The following CLSTN2 variants were observed in gnomAD, a reference collection of about 807,000 sequenced individuals.
The protein encoded by CLSTN2 is calsyntenin 2.
CLSTN2 carries 48 observed loss-of-function variants against 101.2 expected under a neutral mutation model. That is an observed-to-expected ratio of 0.47 (90% confidence interval 0.38 to 0.60). The LOEUF is 0.60. Among genes scored for constraint, CLSTN2 ranks in the 20% least tolerant of loss-of-function variants. CLSTN2 has a pLI of 0.00. For missense variants in CLSTN2, 1,160 were observed against 1,238.2 expected, an observed-to-expected ratio of 0.94 and a Z score of 0.95; for synonymous variants, 481 against 463.6, an observed-to-expected ratio of 1.04 and a Z score of -0.48.
intron 2 of CLSTN2, among the ~76,000 whole-genome samples, chr3:140,203,065 A>G (rs1020922485): frequency 2.6e-5 from 4 of 152,186 alleles, no homozygotes; most frequent in African/African-American, 4.8e-5. Context: ...GAATGTCTAC[A>G]TGGAGTAGTA....
At chr3:140,126,179 A>T (rs1199871471) in intron 1 of CLSTN2, among the ~76,000 whole-genome samples, 1 of 152,170 alleles carries the variant, frequency 6.6e-6, no homozygotes, top group Non-Finnish European at 1.5e-5. Flanking sequence ...TGCTATGGGT[A>T]TGGAGAATCC....
intron 5 of CLSTN2, among the ~76,000 whole-genome samples, chr3:140,424,226 TG>T (rs2088536928): frequency 1.3e-5 from 2 of 152,328 alleles, no homozygotes; most frequent in South Asian, 4.1e-4. Flanking sequence ...ACTGCCAAAC[TG>T]TGTTTGGCAT....
intron 8 of CLSTN2, among the ~76,000 whole-genome samples, chr3:140,485,054 A>T (rs1409411078): frequency 2.0e-5 from 3 of 152,072 alleles, no homozygotes; most frequent in South Asian, 4.1e-4. Context: ...TAGAGTTTCC[A>T]GTTTTTGTGC....
intron 8 of CLSTN2, among the ~76,000 whole-genome samples, chr3:140,488,522 T>C (rs1934281688): frequency 6.6e-6 from 1 of 152,078 alleles, no homozygotes; most frequent in African/African-American, 2.4e-5. Flanking sequence ...ATGGAAATGT[T>C]TTGTTGGCCA....
At chr3:140,377,022 C>CACACACAGAGAGAGAG (rs148236356) in intron 2 of CLSTN2, among the ~76,000 whole-genome samples, 12 of 148,722 alleles carry the variant, frequency 8.1e-5, no homozygotes, top group African/African-American at 3.0e-4. Context: ...CACACATACA[C>CACACACAGAGAGAGAG]AGAGAGAGAG....
chr3:140,015,406 AC>A (rs1431169602), intron 1 of CLSTN2, among the ~76,000 whole-genome samples: 1 of 152,198 alleles, frequency 6.6e-6, no homozygotes, highest in Non-Finnish European at 1.5e-5. Flanking sequence ...TGTTGCTGTC[AC>A]CTGAGAGAGA....
chr3:140,489,965 A>T (rs1326960838), intron 8 of CLSTN2, among the ~76,000 whole-genome samples: 3 of 143,864 alleles, frequency 2.1e-5, no homozygotes, highest in Non-Finnish European at 3.0e-5. Context: ...AGCAGCCCAG[A>T]TCATGAGATG....
At chr3:140,557,902 GC>G (rs1480601912) in intron 11 of CLSTN2, among the ~76,000 whole-genome samples, 4 of 152,224 alleles carry the variant, frequency 2.6e-5, no homozygotes, top group Non-Finnish European at 4.4e-5. Context: ...CATGATGCAA[GC>G]TCTGGTCAGC....
At chr3:140,130,215 A>G (rs963692697) in intron 1 of CLSTN2, among the ~76,000 whole-genome samples, 6 of 152,128 alleles carry the variant, frequency 3.9e-5, no homozygotes, top group South Asian at 2.1e-4. Context: ...TGAATTTGGA[A>G]AGTTCCATGA....
At chr3:140,318,968 C>T (rs1199455940) in intron 2 of CLSTN2, among the ~76,000 whole-genome samples, 1 of 152,134 alleles carries the variant, frequency 6.6e-6, no homozygotes, top group Non-Finnish European at 1.5e-5. Flanking sequence ...AAAATTTCTG[C>T]ATATTACTGT....
chr3:140,014,565 G>T (rs2007157120), intron 1 of CLSTN2, among the ~76,000 whole-genome samples: 1 of 152,124 alleles, frequency 6.6e-6, no homozygotes, highest in Non-Finnish European at 1.5e-5. Flanking sequence ...AGAAGGGCAT[G>T]TTGAACAAAG....
intron 2 of CLSTN2, among the ~76,000 whole-genome samples, chr3:140,203,973 C>T (rs2010751090): frequency 6.6e-6 from 1 of 152,154 alleles, no homozygotes; most frequent in Non-Finnish European, 1.5e-5. Flanking sequence ...AGGACCACTC[C>T]TTGAGAAGAC....
chr3:140,373,800 A>G (rs1010636643), intron 2 of CLSTN2, among the ~76,000 whole-genome samples: 3 of 152,204 alleles, frequency 2.0e-5, no homozygotes, highest in Admixed American at 6.5e-5. Context: ...CTTCCCAATC[A>G]TCAGGAGGGG....
chr3:140,249,703 G>A (rs539625479), intron 2 of CLSTN2, among the ~76,000 whole-genome samples: 1 of 152,292 alleles, frequency 6.6e-6, no homozygotes, highest in East Asian at 1.9e-4. Flanking sequence ...TTTAATATAT[G>A]CAAGGCTATT....
At chr3:140,522,193 C>A (rs973977887) in intron 8 of CLSTN2, among the ~76,000 whole-genome samples, 1 of 152,244 alleles carries the variant, frequency 6.6e-6, no homozygotes, top group Non-Finnish European at 1.5e-5. Flanking sequence ...TTTCTTCATT[C>A]CCCACAGGTC....
In CLSTN2 at chr3:140,558,815, A is replaced by C; in HGVS notation, c.1999A>C (p.Thr667Pro). The change falls in exon 12 of 17, where the codon ACC (threonine) becomes CCC (proline). Residue 667 changes from threonine (T) to proline (P), a missense_variant. By Grantham distance (38) the Thr-to-Pro change is conservative. Coordinates refer to ENST00000458420, the MANE Select transcript of CLSTN2 (RefSeq NM_022131.3). ...CTTCCCTGATATCAAGATTGTGAGCACCTTCGCCAAAACCGAAGCCCCCGG... is the reference window on the plus strand; with the variant it reads ...CTTCCCTGATATCAAGATTGTGAGCCCCTTCGCCAAAACCGAAGCCCCCGG... ...TLFPDIKIVS[T>P]FAKTEAPGDV... is the part of the protein sequence containing the mutation. 6.2e-7 allele frequency: 1 copy of C among 1,613,980 alleles called. No homozygotes were observed. Among genetic ancestry groups the C allele is most frequent in the Non-Finnish European group, 8.5e-7 (1 of 1,179,978 alleles).
chr3:139,992,121 T>A (rs896208407), intron 1 of CLSTN2, among the ~76,000 whole-genome samples: 1 of 152,142 alleles, frequency 6.6e-6, no homozygotes, highest in African/African-American at 2.4e-5. Flanking sequence ...TTCAAGGGGC[T>A]CACTAGCAAC....
At position 140,572,983 on chromosome 3, in the gene CLSTN2, T is replaced by TCCTG. The variant is rs1294053824; in HGVS notation, c.*6741_*6744dup. On this transcript the variant is annotated 3_prime_UTR_variant, in exon 17 of 17. Transcript: ENST00000458420. ...CACCTGCCCTTGGGCATGAGACAAT[T>TCCTG]CCTGCCTGCCTGCCCCTTCTATCCT... The TCCTG allele has an allele frequency of 6.6e-6, 1 of 152,320 alleles. No homozygotes were observed. The highest frequency in any genetic ancestry group is 1.5e-5 in the Non-Finnish European group (1 of 68,172). The allele number at this position is 152,320 out of a possible 1,614,324, so 9.4% of individuals were successfully genotyped here. A position where few individuals can be genotyped will look rare whatever the true frequency, so the allele number is the denominator to read the frequency against.
chr3:140,334,650 C>T (rs2087422996), intron 2 of CLSTN2, among the ~76,000 whole-genome samples: 1 of 152,170 alleles, frequency 6.6e-6, no homozygotes. Flanking sequence ...AAGGGACATT[C>T]CTCCATGTGA....
Sources: gnomAD v4.1 joint callset for allele counts (sites outside exome capture counted in the v4.1 genomes callset) on GRCh38, gnomAD v4.1.1 for gene constraint, MANE v1.5 for transcripts, NCBI Gene and HGNC (gene_info 2026-07-23, HGNC 2026-07-21) for gene names.